EXOC4: variants seen among roughly 807,000 people sequenced by gnomAD.
EXOC4 encodes exocyst complex component 4, also known as SEC8-like 1.
Under a neutral mutation model 107.2 loss-of-function variants are expected in EXOC4, and 71 were observed. The ratio of observed to expected loss-of-function variants is 0.66; its 90% CI spans 0.55 to 0.81. The LOEUF is 0.81. Among genes scored for constraint, EXOC4 ranks in the 30% least tolerant of loss-of-function variants. EXOC4 has a pLI of 0.00. For synonymous variants in EXOC4, 456 were observed against 441.2 expected, an observed-to-expected ratio of 1.03 and a Z score of -0.42; for missense variants, 1,108 against 1,189.6, an observed-to-expected ratio of 0.93 and a Z score of 1.01.
At chr7:133,650,401 C>G (rs1803113484) in intron 10 of EXOC4, among the ~76,000 whole-genome samples, 1 of 151,956 alleles carries the variant, frequency 6.6e-6, no homozygotes, top group South Asian at 2.1e-4. Context: ...CCACTGCTAG[C>G]AACTTGAGAT....
chr7:133,628,437 G>A (rs1381252733), intron 9 of EXOC4, among the ~76,000 whole-genome samples: 1 of 152,162 alleles, frequency 6.6e-6, no homozygotes, highest in Non-Finnish European at 1.5e-5. Flanking sequence ...AGTGGAATAT[G>A]GGAGTTGCTA....
At chr7:133,801,728 A>G (rs779142690) in intron 10 of EXOC4, among the ~76,000 whole-genome samples, 5 of 152,216 alleles carry the variant, frequency 3.3e-5, no homozygotes, top group Non-Finnish European at 7.3e-5. Flanking sequence ...TCAGCCTACT[A>G]TCGTGGTTAA....
chr7:133,349,306 C>T lies in EXOC4; in HGVS notation c.764-7024C>T, dbSNP rs750215411. 3.9e-5 allele frequency among the ~76,000 whole-genome samples: 6 copies of T among 152,190 alleles called. No individual in the cohort carries two copies. The South Asian group carries it at 1.0e-3, about 26-fold the overall frequency. ...ACTGAAACTCTGTACTCATTAAAGACCAATTCCCCATACCCCTCTTCTCCC... is the reference window on the plus strand; with the variant it reads ...ACTGAAACTCTGTACTCATTAAAGATCAATTCCCCATACCCCTCTTCTCCC... On this transcript the variant is annotated intron_variant, in intron 5 of 17. Transcript: ENST00000253861.
chr7:133,506,705 T>A (rs1799671844), intron 9 of EXOC4, among the ~76,000 whole-genome samples: 1 of 152,152 alleles, frequency 6.6e-6, no homozygotes, highest in Non-Finnish European at 1.5e-5. Context: ...ACATCATTTC[T>A]TTTCATCCTT....
At position 133,983,912 on chromosome 7, in the gene EXOC4, C is replaced by T. The variant is rs78996355; in HGVS notation, c.2207-13580C>T. Among the ~76,000 whole-genome samples the T allele has an allele frequency of 4.8e-3, 733 of 152,258 alleles. 3 individuals are homozygous for T. Among genetic ancestry groups the T allele is most frequent in the Middle Eastern group, 0.017 (5 of 294 alleles). ...ACCCACCCTGTTTCTCTTTCATATC[C>T]GGCAGGAGCTGAATTGGCCACACCA... On this transcript the variant is annotated intron_variant, in intron 14 of 17. Transcript: ENST00000253861.
chr7:133,825,016 A>G (rs958329557), intron 11 of EXOC4, among the ~76,000 whole-genome samples: 2 of 151,986 alleles, frequency 1.3e-5, no homozygotes, highest in Admixed American at 6.6e-5. Context: ...TCAGTTTGCT[A>G]TGTTTTCCTT....
At chr7:133,698,799 G>A (rs1211304180) in intron 10 of EXOC4, among the ~76,000 whole-genome samples, 2 of 151,922 alleles carry the variant, frequency 1.3e-5, no homozygotes, top group Middle Eastern at 3.2e-3. Flanking sequence ...ATTTTGCATA[G>A]CATGTTAAGG....
chr7:133,616,114 C>CT (rs1313557441), intron 9 of EXOC4, among the ~76,000 whole-genome samples: 1 of 152,110 alleles, frequency 6.6e-6, no homozygotes, highest in East Asian at 1.9e-4. Flanking sequence ...GTCCTGTTTT[C>CT]TCTACCAAAC....
chr7:133,736,664 G>C (rs1795450738), intron 10 of EXOC4, among the ~76,000 whole-genome samples: 1 of 152,052 alleles, frequency 6.6e-6, no homozygotes, highest in Non-Finnish European at 1.5e-5. Flanking sequence ...CCACCTTTCT[G>C]ACTGCTCATT....
intron 10 of EXOC4, among the ~76,000 whole-genome samples, chr7:133,653,463 A>C (rs1803211465): frequency 6.6e-6 from 1 of 152,172 alleles, no homozygotes; most frequent in Non-Finnish European, 1.5e-5. Flanking sequence ...CTATTTTTGC[A>C]CTATTTTGTG....
intron 11 of EXOC4, among the ~76,000 whole-genome samples, chr7:133,852,872 G>A (rs1385079059): frequency 1.3e-5 from 2 of 152,124 alleles, no homozygotes; most frequent in East Asian, 1.9e-4. Context: ...TTCACACAAA[G>A]CACATTTATT....
chr7:134,023,678 C>T (rs975014998), intron 17 of EXOC4, among the ~76,000 whole-genome samples: 23 of 152,118 alleles, frequency 1.5e-4, no homozygotes, highest in Non-Finnish European at 2.8e-4. Context: ...TTAGCCATTG[C>T]GCTATACAGC....
chr7:133,657,149 A>G (rs7792948), intron 10 of EXOC4, among the ~76,000 whole-genome samples: 2 of 152,274 alleles, frequency 1.3e-5, no homozygotes, highest in South Asian at 4.1e-4. Flanking sequence ...TTCGGGTTTC[A>G]TATTAAATTA....
At chr7:133,988,029 T>C (rs538687579) in intron 14 of EXOC4, among the ~76,000 whole-genome samples, 1 of 152,336 alleles carries the variant, frequency 6.6e-6, no homozygotes, top group African/African-American at 2.4e-5. Flanking sequence ...GTCTGATTAC[T>C]TCTCCATGAC....
At chr7:133,787,772 A>G (rs1254043609) in intron 10 of EXOC4, among the ~76,000 whole-genome samples, 1 of 151,026 alleles carries the variant, frequency 6.6e-6, no homozygotes, top group Non-Finnish European at 1.5e-5. Flanking sequence ...ATAATCTTAT[A>G]TAAACCTAAT....
chr7:133,637,474 T>G (rs1303168645), intron 10 of EXOC4, among the ~76,000 whole-genome samples: 1 of 152,198 alleles, frequency 6.6e-6, no homozygotes, highest in African/African-American at 2.4e-5. Context: ...TGTTTGTTCT[T>G]AATGAGCTAA....
At chr7:133,485,079 C>CAAAAAAAAA (rs1491252321) in intron 9 of EXOC4, among the ~76,000 whole-genome samples, 1 of 27,866 alleles carries the variant, frequency 3.6e-5, no homozygotes, top group African/African-American at 1.1e-4. Context: ...GACTCCGTCT[C>CAAAAAAAAA]AAAAAATAAA....
intron 10 of EXOC4, among the ~76,000 whole-genome samples, chr7:133,808,472 A>T (rs890136189): frequency 6.6e-6 from 1 of 152,200 alleles, no homozygotes; most frequent in African/African-American, 2.4e-5. Context: ...TCTCAAATCA[A>T]TTCCTCTGAG....
At chr7:133,750,897 G>A (rs909655284) in intron 10 of EXOC4, among the ~76,000 whole-genome samples, 1 of 152,036 alleles carries the variant, frequency 6.6e-6, no homozygotes, top group African/African-American at 2.4e-5. Context: ...CTTTTTTGAT[G>A]GGAAAACTTA....
Sources: gnomAD v4.1 joint callset for allele counts (sites outside exome capture counted in the v4.1 genomes callset) on GRCh38, gnomAD v4.1.1 for gene constraint, MANE v1.5 for transcripts, NCBI Gene and HGNC (gene_info 2026-07-23, HGNC 2026-07-21) for gene names.